Variants in TENT2 observed in about 807,000 individuals in gnomAD.
The protein encoded by TENT2 is terminal nucleotidyltransferase 2, also known as poly(A) RNA polymerase GLD2.
In TENT2, 44 loss-of-function variants were observed where a neutral mutation model predicts 72.2. That is an observed-to-expected ratio of 0.61 (90% CI 0.48 to 0.78). The LOEUF (loss-of-function observed/expected upper bound fraction) is 0.78, where lower values mean the gene tolerates loss of function less well. Ranked by LOEUF, TENT2 falls within the 30% of genes least tolerant of loss-of-function variation. The pLI is 0.00. For missense variants in TENT2, 541 were observed against 569.6 expected (o/e 0.95, Z 0.51); for synonymous variants, 212 against 192.5 (o/e 1.10, Z -0.84).
chr5:79,679,800 T>G, intron 13 of TENT2, 130 bp downstream of exon 13: 1 of 499,140 alleles, frequency 2.0e-6, no homozygotes, highest in Non-Finnish European at 3.2e-6. Context: ...AGTTTAAAAT[T>G]TTTAATTTTA....
In TENT2 at chr5:79,679,615, AGC is replaced by A; in HGVS notation, c.1246_1247del (p.Ala416HisfsTer5). On this transcript the variant is annotated frameshift_variant, in exon 13 of 15. Transcript: ENST00000453514. LOFTEE classifies it high-confidence loss of function. ...AAATGATTTCAGTTCGTGAAGCCAA[AGC>A]CATTCCAAGGCCTGATGGTATTGAA... Reference protein sequence around the residue: ...SQMISVREAKAIPRPDGIEWR... With the variant: ...SQMISVREAKXIPRPDGIEWR... 6.2e-7 allele frequency: 1 copy of A among 1,603,110 alleles called. No homozygotes were observed. Among genetic ancestry groups the A allele is most frequent in the African/African-American group, 1.3e-5 (1 of 74,804 alleles).
At chr5:79,618,600 T>C (rs1762325786) in intron 1 of TENT2, among the ~76,000 whole-genome samples, 1 of 152,148 alleles carries the variant, frequency 6.6e-6, no homozygotes. Context: ...CTGAGTTTTT[T>C]TTTTGAGTGT....
In TENT2 at chr5:79,686,221, C is replaced by T. The variant is rs537477544; in HGVS notation, c.*948C>T. The T allele has an allele frequency of 1.3e-5, 2 of 152,306 alleles. No homozygotes were observed. The highest frequency in any genetic ancestry group is 1.3e-4 in the Admixed American group (2 of 15,262). 9.4% of individuals were successfully genotyped at this position (152,306 alleles called of 1,614,324 possible). A position where few individuals can be genotyped will look rare whatever the true frequency, so the allele number is the denominator to read the frequency against. On this transcript the variant is annotated 3_prime_UTR_variant, in exon 15 of 15. Transcript: ENST00000453514. ...CTGGAATTTTTAGGCAGTAAGTCACCACAAAATGTTTTAGATAAGACACAA... is the reference window on the plus strand; with the variant it reads ...CTGGAATTTTTAGGCAGTAAGTCACTACAAAATGTTTTAGATAAGACACAA...
chr5:79,659,560 A>ATATATG (rs1696841349), intron 11 of TENT2, among the ~76,000 whole-genome samples: 1 of 52,708 alleles, frequency 1.9e-5, no homozygotes, highest in Non-Finnish European at 3.0e-5. Context: ...AAAAATGTAT[A>ATATATG]TATATATATA....
chr5:79,672,494 C>G lies in TENT2; in HGVS notation c.1208+3466C>G, dbSNP rs1028228899. Reference sequence around the variant, plus strand: ...TTCCCAGCCTCTGGTAACCATCATTCTAGTCTCTTATCTCCATGAGTTCAA... The same window carrying G: ...TTCCCAGCCTCTGGTAACCATCATTGTAGTCTCTTATCTCCATGAGTTCAA... On this transcript the variant is annotated intron_variant, in intron 12 of 14. Transcript: ENST00000453514. 5.3e-5 allele frequency among the ~76,000 whole-genome samples: 8 copies of G among 152,308 alleles called. No homozygotes were observed. The East Asian group carries it at 5.8e-4, about 11-fold the overall frequency.
intron 7 of TENT2, 22 bp from the exon 8 acceptor site, chr5:79,645,101 C>T (rs1471111095): frequency 6.4e-7 from 1 of 1,573,020 alleles, no homozygotes; most frequent in African/African-American, 1.4e-5. Flanking sequence ...TGCAGCTATT[C>T]ACATTATCTT....
intron 12 of TENT2, among the ~76,000 whole-genome samples, chr5:79,671,698 C>T (rs959448710): frequency 5.3e-5 from 8 of 152,020 alleles, no homozygotes; most frequent in East Asian, 3.8e-4. Flanking sequence ...TGTGAGCCAC[C>T]GCGCCTAGCC....
Position 79,688,213 on chromosome 5 carries a change from TTAAAAA to T in TENT2, c.*2945_*2950del, listed in dbSNP as rs1459028939. 1.3e-5 allele frequency among the ~76,000 whole-genome samples: 2 copies of T among 152,248 alleles called. No homozygotes were observed. The highest frequency in any genetic ancestry group is 2.9e-5 in the Non-Finnish European group (2 of 68,044). On this transcript the variant is annotated 3_prime_UTR_variant, in exon 15 of 15. Coordinates refer to ENST00000453514, the MANE Select transcript of TENT2 (RefSeq NM_001114394.3). ...TTAACAACTCTGTGACTTGCTATAA[TTAAAAA>T]TAAATGTTAACTCTTCTAGCCATCA...
chr5:79,681,094 T>G (rs1229927622), intron 13 of TENT2, among the ~76,000 whole-genome samples: 1 of 151,554 alleles, frequency 6.6e-6, no homozygotes, highest in Non-Finnish European at 1.5e-5. Flanking sequence ...TCTCTTTTTC[T>G]GTTTTCTTTT....
chr5:79,669,831 C>T (rs1434063209), intron 12 of TENT2, among the ~76,000 whole-genome samples: 2 of 151,434 alleles, frequency 1.3e-5, no homozygotes, highest in Admixed American at 6.6e-5. Flanking sequence ...CATTTCATTC[C>T]GTTTACATAA....
At position 79,645,125 on chromosome 5, in the gene TENT2, G is replaced by C; in HGVS notation, c.754G>C (p.Gly252Arg). The C allele has an allele frequency of 6.3e-7, 1 of 1,597,390 alleles. No individual in the cohort carries two copies. Among genetic ancestry groups the C allele is most frequent in the South Asian group, 1.1e-5 (1 of 88,192 alleles). ...VHKHFCTRLSGYIERPQLIRA... is the reference protein window; with the variant it reads ...VHKHFCTRLSRYIERPQLIRA... ...TCACATTATCTTTTGTCTTTCAGCGGGCTACATTGAGAGACCTCAGCTGAT... is the reference window on the plus strand; with the variant it reads ...TCACATTATCTTTTGTCTTTCAGCGCGCTACATTGAGAGACCTCAGCTGAT... Residue 252 changes from glycine (G) to arginine (R), a missense_variant and splice_region_variant, in exon 8 of 15, where the codon GGC (glycine) becomes CGC (arginine). Gly to Arg is a moderately radical substitution (Grantham distance 125, BLOSUM62 -2). Coordinates refer to ENST00000453514, the MANE Select transcript of TENT2 (RefSeq NM_001114394.3).
chr5:79,666,492 C>T (rs1398498301), intron 11 of TENT2, among the ~76,000 whole-genome samples: 1 of 151,722 alleles, frequency 6.6e-6, no homozygotes, highest in East Asian at 1.9e-4. Flanking sequence ...GGAACGACAG[C>T]AGTCATCACC....
intron 7 of TENT2, among the ~76,000 whole-genome samples, chr5:79,643,648 G>A (rs920530354): frequency 1.3e-5 from 2 of 152,102 alleles, no homozygotes; most frequent in African/African-American, 4.8e-5. Context: ...TGTTCTAGGA[G>A]AGAAATAAAT....
At chr5:79,685,155 G>A in intron 14 of TENT2, 44 bp from the exon 15 acceptor site, 1 of 1,346,282 alleles carries the variant, frequency 7.4e-7, no homozygotes, top group South Asian at 1.2e-5. Flanking sequence ...CTTTTGTTCT[G>A]CATAAATTTT....
At chr5:79,616,518 G>A (rs113977804) in intron 1 of TENT2, among the ~76,000 whole-genome samples, 19 of 151,104 alleles carry the variant, frequency 1.3e-4, no homozygotes, top group Non-Finnish European at 1.9e-4. Flanking sequence ...GGGTTTTACC[G>A]TGTTGCCCAG....
intron 11 of TENT2, among the ~76,000 whole-genome samples, chr5:79,666,311 T>A (rs1307383422): frequency 6.6e-6 from 1 of 152,038 alleles, no homozygotes; most frequent in Non-Finnish European, 1.5e-5. Context: ...TTTGTTGAAA[T>A]TTTAAAGCAA....
chr5:79,659,686 A>G (rs1467893027), intron 11 of TENT2, among the ~76,000 whole-genome samples: 2 of 149,410 alleles, frequency 1.3e-5, no homozygotes, highest in African/African-American at 4.9e-5. Flanking sequence ...TAAACTTGCA[A>G]GGTATTATTC....
chr5:79,659,771 A>G (rs1801303848), intron 11 of TENT2, among the ~76,000 whole-genome samples: 1 of 151,446 alleles, frequency 6.6e-6, no homozygotes, highest in Non-Finnish European at 1.5e-5. Context: ...TTTTTCCATT[A>G]TACTCTTTCT....
At chr5:79,669,979 A>G (rs1449738472) in intron 12 of TENT2, among the ~76,000 whole-genome samples, 3 of 152,020 alleles carry the variant, frequency 2.0e-5, no homozygotes, top group African/African-American at 7.2e-5. Context: ...CTGTAATCCC[A>G]ACACTTTGGG....
Sources: gnomAD v4.1 joint callset for allele counts (sites outside exome capture counted in the v4.1 genomes callset) on GRCh38, gnomAD v4.1.1 for gene constraint, MANE v1.5 for transcripts, NCBI Gene and HGNC (gene_info 2026-07-23, HGNC 2026-07-21) for gene names.